TASL: variants seen among roughly 807,000 people sequenced by gnomAD.
TASL encodes TLR adapter interacting with SLC15A4 on the lysosome.
Under a neutral mutation model 12.9 loss-of-function variants are expected in TASL, and 6 were observed. That is an observed-to-expected ratio of 0.46 (90% CI 0.25 to 0.92). The LOEUF (loss-of-function observed/expected upper bound fraction) is 0.92, where lower values mean the gene tolerates loss of function less well. TASL is among the 40% of genes least tolerant of loss of function. The pLI is 0.17. For synonymous variants in TASL, 85 were observed against 79.3 expected, an observed-to-expected ratio of 1.07 and a Z score of -0.38; for missense variants, 165 against 212.8, an observed-to-expected ratio of 0.78 and a Z score of 1.40.
At chrX:30,562,768 A>C (rs1182562923) in intron 2 of TASL, among the ~76,000 whole-genome samples, 1 of 111,107 alleles carries the variant, frequency 9.0e-6, no homozygotes, top group African/African-American at 3.3e-5. Flanking sequence ...AGCTCAAAAA[A>C]GATATCCAAT....
chrX:30,562,259 A>T (rs1304163640), intron 2 of TASL, among the ~76,000 whole-genome samples: 2 of 112,313 alleles, frequency 1.8e-5, no homozygotes, highest in Non-Finnish European at 3.8e-5. Context: ...ATATTTATGC[A>T]CTAATAATAA....
chrX:30,564,672 T>C (rs1305592873), intron 2 of TASL, among the ~76,000 whole-genome samples: 1 of 112,018 alleles, frequency 8.9e-6, no homozygotes, highest in Non-Finnish European at 1.9e-5. Context: ...AGAATAAATA[T>C]ATTTCTAGGT....
At chrX:30,567,469 C>G (rs1319219978) in intron 2 of TASL, among the ~76,000 whole-genome samples, 2 of 111,257 alleles carry the variant, frequency 1.8e-5, no homozygotes, top group African/African-American at 6.5e-5. Context: ...ACCATGAAGT[C>G]AGTACACAAA....
chrX:30,572,441 C>A (rs1930641935), intron 2 of TASL, among the ~76,000 whole-genome samples: 1 of 112,065 alleles, frequency 8.9e-6, no homozygotes, highest in Non-Finnish European at 1.9e-5. Flanking sequence ...ATCTAATTAA[C>A]ATATATATTA....
chrX:30,560,084 A>G lies in TASL; in HGVS notation c.272T>C (p.Val91Ala), dbSNP rs752601692. ...VTVLQTNPNP[V>A]FESPNLAAVE... is the part of the protein sequence containing the mutation. ...TGCAGCCAAGTTTGGGCTTTCAAAC[A>G]CAGGATTGGGGTTTGTCTGCAGCAC... Residue 91 changes from valine to alanine, a missense_variant, in exon 3 of 3, where the codon GTG becomes GCG. Coordinates refer to ENST00000378962, the MANE Select transcript of TASL (RefSeq NM_025159.3). The G allele has an allele frequency of 3.3e-6, 4 of 1,209,975 alleles. No individual in the cohort carries two copies. The highest frequency in any genetic ancestry group is 4.4e-5 in the Admixed American group (2 of 45,753).
chrX:30,575,183 T>C (rs1033940029), intron 2 of TASL, among the ~76,000 whole-genome samples: 2 of 111,678 alleles, frequency 1.8e-5, no homozygotes, highest in Non-Finnish European at 1.9e-5. Flanking sequence ...CATAATTCCA[T>C]TGTAAACTTT....
At chrX:30,564,203 G>A (rs751492149) in intron 2 of TASL, among the ~76,000 whole-genome samples, 4 of 111,716 alleles carry the variant, frequency 3.6e-5, no homozygotes, top group Non-Finnish European at 5.6e-5. Flanking sequence ...TCAATGGAAG[G>A]ATTGAAAAGT....
At chrX:30,574,136 C>T (rs186707219) in intron 2 of TASL, among the ~76,000 whole-genome samples, 1 of 110,130 alleles carries the variant, frequency 9.1e-6, no homozygotes, top group East Asian at 2.9e-4. Context: ...AGCCCCATGC[C>T]TATCCCAGGG....
intron 2 of TASL, among the ~76,000 whole-genome samples, chrX:30,574,589 G>A (rs1418258014): frequency 1.8e-5 from 2 of 111,379 alleles, no homozygotes; most frequent in African/African-American, 3.3e-5. Flanking sequence ...ACAAATGGAG[G>A]CAATGGGATG....
At chrX:30,566,672 A>G (rs1930503114) in intron 2 of TASL, among the ~76,000 whole-genome samples, 1 of 112,124 alleles carries the variant, frequency 8.9e-6, no homozygotes, top group Non-Finnish European at 1.9e-5. Flanking sequence ...AAATGCTTCT[A>G]TTTGGAGAAG....
intron 2 of TASL, among the ~76,000 whole-genome samples, chrX:30,572,012 A>G (rs1601839069): frequency 9.0e-6 from 1 of 110,902 alleles, no homozygotes; most frequent in Middle Eastern, 4.7e-3. Flanking sequence ...ATGTAAAGCT[A>G]TATATATTAC....
intron 2 of TASL, among the ~76,000 whole-genome samples, chrX:30,564,416 G>C (rs1930468787): frequency 2.8e-5 from 3 of 107,944 alleles, no homozygotes; most frequent in African/African-American, 9.9e-5. Context: ...AAAATAGTGA[G>C]TGAAAATCGA....
At chrX:30,561,902 G>A (rs1009923256) in intron 2 of TASL, among the ~76,000 whole-genome samples, 1 of 108,759 alleles carries the variant, frequency 9.2e-6, no homozygotes, top group African/African-American at 3.3e-5. Flanking sequence ...AAATCTATGT[G>A]AAGTTCTGCC....
At position 30,571,634 on chromosome X, in the gene TASL, AAGGG is replaced by A. The variant is rs1166667008; in HGVS notation, c.-2+5114_-2+5117del. Among the ~76,000 whole-genome samples, 261 of 101,590 alleles carry A rather than the reference AAGGG, an allele frequency of 2.6e-3. 4 individuals carry two copies. The highest frequency in any genetic ancestry group is 8.4e-3 in the African/African-American group (229 of 27,236). The allele number at this position is 101,590 out of a possible 115,157, so 88.2% of individuals were successfully genotyped here. A position where few individuals can be genotyped will look rare whatever the true frequency, so the allele number is the denominator to read the frequency against. On this transcript the variant is annotated intron_variant, in intron 2 of 2. Transcript: ENST00000378962. ...TAGAACGAGACTCCATCTCAAAAAA[AAGGG>A]GGGGGGGGCATTACTGCACCCTTTA...
intron 1 of TASL, among the ~76,000 whole-genome samples, chrX:30,577,138 T>C (rs1353490903): frequency 8.9e-6 from 1 of 112,262 alleles, no homozygotes; most frequent in Non-Finnish European, 1.9e-5. Flanking sequence ...ACAAGCTTGC[T>C]GAACTGAATA....
intron 2 of TASL, among the ~76,000 whole-genome samples, chrX:30,565,954 A>G (rs1037298990): frequency 2.8e-5 from 3 of 108,831 alleles, no homozygotes; most frequent in Non-Finnish European, 5.7e-5. Flanking sequence ...TATTCTTAGT[A>G]GAGATGAGGT....
At chrX:30,570,187 T>C (rs1930570696) in intron 2 of TASL, among the ~76,000 whole-genome samples, 1 of 109,076 alleles carries the variant, frequency 9.2e-6, no homozygotes, top group Non-Finnish European at 1.9e-5. Context: ...TGGAGAATTG[T>C]ATATATTTTA....
At chrX:30,577,519 A>G (rs944709512) in intron 1 of TASL, 119 bp downstream of exon 1, 3 of 112,303 alleles carry the variant, frequency 2.7e-5, no homozygotes, top group Non-Finnish European at 3.8e-5. Context: ...CTAGAAAAGC[A>G]TTTTAGATGT....
intron 2 of TASL, among the ~76,000 whole-genome samples, chrX:30,564,317 G>A (rs1040495779): frequency 9.0e-6 from 1 of 111,465 alleles, no homozygotes; most frequent in Non-Finnish European, 1.9e-5. Context: ...AATAATAGGA[G>A]GTTCAGAAAG....
Sources: allele counts gnomAD v4.1 joint callset (sites outside exome capture counted in the v4.1 genomes callset), GRCh38; gene constraint gnomAD v4.1.1; transcripts MANE v1.5; gene names NCBI Gene and HGNC (gene_info 2026-07-23, HGNC 2026-07-21).